Variants in CDH13 observed in about 807,000 individuals in gnomAD.
CDH13 encodes cadherin 13.
CDH13 carries 24 observed loss-of-function variants against 63.8 expected under a neutral mutation model. That is an observed-to-expected ratio of 0.38 (90% confidence interval 0.27 to 0.53). The LOEUF (loss-of-function observed/expected upper bound fraction) is 0.53. CDH13 is among the 20% of genes least tolerant of loss of function. CDH13 has a pLI of 0.85. For missense variants in CDH13, 1,049 were observed against 903.1 expected (o/e 1.16, Z -2.07); for synonymous variants, 503 against 355.3 (o/e 1.42, Z -4.67).
intron 7 of CDH13, among the ~76,000 whole-genome samples, chr16:83,504,600 C>G: frequency 6.6e-6 from 1 of 152,138 alleles, no homozygotes; most frequent in East Asian, 1.9e-4. Flanking sequence ...GGGACCCACT[C>G]CGGGTGCTGT....
At chr16:82,959,748 G>A (rs998555180) in intron 2 of CDH13, among the ~76,000 whole-genome samples, 4 of 152,200 alleles carry the variant, frequency 2.6e-5, no homozygotes, top group Middle Eastern at 3.4e-3. Context: ...TTATATCTCC[G>A]AGTAGTACTG....
chr16:83,654,242 A>T (rs1019964804), intron 8 of CDH13, among the ~76,000 whole-genome samples: 3 of 151,890 alleles, frequency 2.0e-5, no homozygotes, highest in Admixed American at 1.3e-4. Context: ...GCAATTAAAA[A>T]TGGCAAAAAA....
chr16:83,295,055 A>G (rs1342760489), intron 5 of CDH13, among the ~76,000 whole-genome samples: 2 of 152,194 alleles, frequency 1.3e-5, no homozygotes, highest in East Asian at 1.9e-4. Flanking sequence ...TGAACAGAAT[A>G]GAAAACCCAG....
chr16:82,827,652 G>C (rs994689345), intron 1 of CDH13, among the ~76,000 whole-genome samples: 1 of 152,116 alleles, frequency 6.6e-6, no homozygotes, highest in African/African-American at 2.4e-5. Context: ...CACTATTGTT[G>C]GTAAAGTGAG....
intron 3 of CDH13, among the ~76,000 whole-genome samples, chr16:83,074,097 T>C (rs2032647632): frequency 6.6e-6 from 1 of 152,168 alleles, no homozygotes; most frequent in African/African-American, 2.4e-5. Context: ...TCCTTCTGTC[T>C]ACTGCCTGTT....
intron 4 of CDH13, among the ~76,000 whole-genome samples, chr16:83,173,970 C>G (rs1297099193): frequency 1.3e-5 from 2 of 152,052 alleles, no homozygotes; most frequent in Non-Finnish European, 2.9e-5. Context: ...CAGTATCACA[C>G]CAGCATGTAG....
intron 7 of CDH13, among the ~76,000 whole-genome samples, chr16:83,519,742 GA>G (rs2074785334): frequency 6.6e-6 from 1 of 152,190 alleles, no homozygotes; most frequent in South Asian, 2.1e-4. Flanking sequence ...GGAGAGGAAA[GA>G]AAGGTGCCTC....
chr16:83,056,081 G>A (rs1047415612), intron 3 of CDH13, among the ~76,000 whole-genome samples: 3 of 152,122 alleles, frequency 2.0e-5, no homozygotes, highest in African/African-American at 7.2e-5. Context: ...ATATCTACAT[G>A]ACCACTAAAC....
chr16:82,986,959 G>C (rs1800333002), intron 2 of CDH13, among the ~76,000 whole-genome samples: 1 of 152,186 alleles, frequency 6.6e-6, no homozygotes, highest in Non-Finnish European at 1.5e-5. Flanking sequence ...AACATGTGAG[G>C]AAACACTTAT....
intron 7 of CDH13, among the ~76,000 whole-genome samples, chr16:83,549,786 TC>T (rs2075457089): frequency 6.6e-6 from 1 of 152,104 alleles, no homozygotes; most frequent in African/African-American, 2.4e-5. Flanking sequence ...TTCACTGTAA[TC>T]CCTTCGAGGA....
At chr16:83,177,070 C>T (rs2038159026) in intron 4 of CDH13, among the ~76,000 whole-genome samples, 1 of 152,190 alleles carries the variant, frequency 6.6e-6, no homozygotes, top group South Asian at 2.1e-4. Flanking sequence ...CTGACCACAT[C>T]TGGCTGCTGA....
intron 4 of CDH13, among the ~76,000 whole-genome samples, chr16:83,171,876 G>GCTTTT (rs1209178804): frequency 2.0e-5 from 3 of 152,090 alleles, no homozygotes; most frequent in Non-Finnish European, 4.4e-5. Flanking sequence ...ATTTTATAAT[G>GCTTTT]CTATCAACTT....
chr16:83,571,875 G>A (rs536469266), intron 7 of CDH13, among the ~76,000 whole-genome samples: 12 of 152,144 alleles, frequency 7.9e-5, no homozygotes, highest in South Asian at 2.1e-4. Flanking sequence ...CACATGAAAC[G>A]TGCACTCCGG....
At chr16:83,750,773 C>T (rs771022261) in intron 11 of CDH13, among the ~76,000 whole-genome samples, 12 of 152,144 alleles carry the variant, frequency 7.9e-5, no homozygotes, top group Non-Finnish European at 1.2e-4. Flanking sequence ...CATCCCTCAG[C>T]AGGAACCAAA....
intron 5 of CDH13, among the ~76,000 whole-genome samples, chr16:83,260,687 T>G (rs573701521): frequency 9.3e-4 from 142 of 152,292 alleles, no homozygotes; most frequent in Non-Finnish European, 1.6e-3. Context: ...AGTTGGAACC[T>G]TGTGTTTCCT....
At chr16:83,769,023 G>A (rs1387628634) in intron 11 of CDH13, among the ~76,000 whole-genome samples, 1 of 152,092 alleles carries the variant, frequency 6.6e-6, no homozygotes, top group East Asian at 1.9e-4. Flanking sequence ...TTGACCACAG[G>A]GTCACAGAAC....
intron 5 of CDH13, among the ~76,000 whole-genome samples, chr16:83,270,074 T>A (rs2088755660): frequency 6.6e-6 from 1 of 152,236 alleles, no homozygotes; most frequent in African/African-American, 2.4e-5. Flanking sequence ...CTTTGGAAAT[T>A]AATTACTGAA....
At chr16:83,652,013 T>A (rs909158031) in intron 8 of CDH13, among the ~76,000 whole-genome samples, 3 of 152,198 alleles carry the variant, frequency 2.0e-5, no homozygotes, top group African/African-American at 7.2e-5. Flanking sequence ...TGCTTTTTAA[T>A]CCTCCTTATC....
Position 82,676,481 on chromosome 16 carries a change from C to T in CDH13, c.45+49344C>T, listed in dbSNP as rs568823007. ...CCAGTATCCTAATCTGAGCTACCAT[C>T]ATTTCTTTTTTTTTTTTTTTTTTTT... is the stretch of plus-strand genomic sequence containing the variant. On this transcript the variant is annotated intron_variant, in intron 1 of 13. Transcript: ENST00000567109. Among the ~76,000 whole-genome samples the T allele has an allele frequency of 3.7e-5, 5 of 133,734 alleles. No homozygotes were observed. The East Asian group carries it at 9.7e-4, about 26-fold the overall frequency. 87.7% of individuals were successfully genotyped at this position (133,734 alleles called of 152,430 possible). A position where few individuals can be genotyped will look rare whatever the true frequency, so the allele number is the denominator to read the frequency against.
Sources: allele counts gnomAD v4.1 joint callset (sites outside exome capture counted in the v4.1 genomes callset), GRCh38; gene constraint gnomAD v4.1.1; transcripts MANE v1.5; gene names NCBI Gene and HGNC (gene_info 2026-07-23, HGNC 2026-07-21).